Variants in DNAJC6 observed in about 807,000 individuals in gnomAD.
DNAJC6 encodes the protein auxilin.
In DNAJC6, 34 loss-of-function variants were observed where a neutral mutation model predicts 110.0. That is an observed-to-expected ratio of 0.31 (90% CI 0.24 to 0.41). DNAJC6 has a LOEUF of 0.41. Ranked by LOEUF, DNAJC6 falls within the 10% of genes least tolerant of loss-of-function variation. The pLI is 1.00. For synonymous variants in DNAJC6, 406 were observed against 437.2 expected (o/e 0.93, Z 0.89); for missense variants, 1,031 against 1,207.8 (o/e 0.85, Z 2.17).
At chr1:65,302,103 A>ATG (rs1557507869) in intron 1 of DNAJC6, among the ~76,000 whole-genome samples, 7 of 66,952 alleles carry the variant, frequency 1.0e-4, no homozygotes, top group Middle Eastern at 8.6e-3. Flanking sequence ...TATATATAAT[A>ATG]TATAATATAT....
At chr1:65,384,892 G>A (rs1319650863) in intron 6 of DNAJC6, among the ~76,000 whole-genome samples, 1 of 152,194 alleles carries the variant, frequency 6.6e-6, no homozygotes, top group Non-Finnish European at 1.5e-5. Flanking sequence ...AATTTATGAT[G>A]TTAAAACTAG....
At position 65,292,131 on chromosome 1, in the gene DNAJC6, C is replaced by T. The variant is rs913525407; in HGVS notation, c.-131+27199C>T. On this transcript the variant is annotated intron_variant, in intron 1 of 19. Coordinates refer to the DNAJC6 transcript ENST00000263441. ...TCCCAGGTTCAAGGAATTCTTCTGC[C>T]TCAGCCTCCCGAGTAGCTGGGATTA... Among the ~76,000 whole-genome samples, 30 of 152,120 alleles carry T rather than the reference C, an allele frequency of 2.0e-4. 1 individual carries two copies. The highest frequency in any genetic ancestry group is 4.4e-5 in the Non-Finnish European group (3 of 68,018).
chr1:65,340,041 T>C (rs1645374791), intron 1 of DNAJC6, among the ~76,000 whole-genome samples: 1 of 152,226 alleles, frequency 6.6e-6, no homozygotes, highest in Non-Finnish European at 1.5e-5. Flanking sequence ...CCAGAGTTCA[T>C]GGGACCTTGG....
chr1:65,392,722 G>A lies in DNAJC6; in HGVS notation c.1760G>A (p.Gly587Asp). 6.2e-7 allele frequency: 1 copy of A among 1,612,860 alleles called. No homozygotes were observed. Among genetic ancestry groups the A allele is most frequent in the Non-Finnish European group, 8.5e-7 (1 of 1,179,500 alleles). ...NSELLSDLFGGGGAAGPTQAG... is the reference protein window; with the variant it reads ...NSELLSDLFGDGGAAGPTQAG... Reference sequence around the variant, plus strand: ...GAACTACTGAGTGACCTGTTTGGGGGTGGAGGTGCAGCTGGTCCCACCCAG... The same window carrying A: ...GAACTACTGAGTGACCTGTTTGGGGATGGAGGTGCAGCTGGTCCCACCCAG... The change falls in exon 12 of 19, where the codon GGT (glycine) becomes GAT (aspartate). Residue 587 changes from glycine (G) to aspartate (D), a missense_variant. Transcript: ENST00000371069.
At chr1:65,381,421 C>T (rs114490404) in intron 5 of DNAJC6, among the ~76,000 whole-genome samples, 2,436 of 151,706 alleles carry the variant, frequency 0.016, 32 homozygotes, top group Non-Finnish European at 0.024. Flanking sequence ...TGGTGCTGTG[C>T]ACCTGTAATT....
At chr1:65,320,887 CAG>C (rs1645191868) in intron 1 of DNAJC6, among the ~76,000 whole-genome samples, 1 of 152,104 alleles carries the variant, frequency 6.6e-6, no homozygotes, top group Non-Finnish European at 1.5e-5. Context: ...CCTGAAGAAA[CAG>C]AAACAAGCAG....
At position 65,394,921 on chromosome 1, in the gene DNAJC6, G is replaced by A. The variant is rs761867962; in HGVS notation, c.1927G>A (p.Ala643Thr). 8.1e-6 allele frequency: 13 copies of A among 1,603,282 alleles called. No homozygotes were observed. In the African/African-American group the frequency reaches 1.1e-4, roughly 13 times the overall value. Residue 643 changes from alanine (A) to threonine (T), a missense_variant, in exon 13 of 19, where the codon GCA becomes ACA. Transcript: ENST00000371069. ...AGGTGCCACCTTTGACCCATTTGGAGCACCTTCTAAACCATCAGGTCAGGA... is the reference window on the plus strand; with the variant it reads ...AGGTGCCACCTTTGACCCATTTGGAACACCTTCTAAACCATCAGGTCAGGA... The part of the protein sequence containing the change: ...GEGATFDPFG[A>T]PSKPSGQDLL...
intron 1 of DNAJC6, among the ~76,000 whole-genome samples, chr1:65,362,457 A>G (rs985407649): frequency 7.9e-5 from 12 of 152,198 alleles, no homozygotes; most frequent in African/African-American, 2.9e-4. Flanking sequence ...GTCATCATAT[A>G]GTTGGAAAGT....
In DNAJC6 at chr1:65,392,478, G is replaced by C; in HGVS notation, c.1516G>C (p.Val506Leu). Residue 506 changes from valine (V) to leucine (L), a missense_variant, in exon 12 of 19, where the codon GTG becomes CTG. By Grantham distance (32) the Val-to-Leu change is conservative. Transcript: ENST00000371069. ...SFCEEDHAAL[V>L]NQESEQSDDE... Reference sequence around the variant, plus strand: ...CTGTGAGGAGGACCACGCTGCCCTAGTGAATCAGGAAAGTGAGCAATCAGA... The same window carrying C: ...CTGTGAGGAGGACCACGCTGCCCTACTGAATCAGGAAAGTGAGCAATCAGA... 1 of 1,613,336 alleles carries C rather than the reference G, an allele frequency of 6.2e-7. No individual in the cohort carries two copies. The highest frequency in any genetic ancestry group is 8.5e-7 in the Non-Finnish European group (1 of 1,179,616).
intron 11 of DNAJC6, among the ~76,000 whole-genome samples, chr1:65,391,203 T>C (rs1645922584): frequency 6.6e-6 from 1 of 152,208 alleles, no homozygotes; most frequent in African/African-American, 2.4e-5. Context: ...GTGAGATAAA[T>C]GAAGACTATA....
At chr1:65,303,354 T>G (rs1645007260) in intron 1 of DNAJC6, among the ~76,000 whole-genome samples, 1 of 152,214 alleles carries the variant, frequency 6.6e-6, no homozygotes, top group African/African-American at 2.4e-5. Flanking sequence ...TAATAACATT[T>G]GTTACATCGG....
At chr1:65,356,217 G>C (rs982316309) in intron 1 of DNAJC6, among the ~76,000 whole-genome samples, 5 of 152,002 alleles carry the variant, frequency 3.3e-5, no homozygotes, top group African/African-American at 4.8e-5. Flanking sequence ...TGGATTCCCA[G>C]CCATTTGTGG....
At chr1:65,303,548 C>T (rs1397213470) in intron 1 of DNAJC6, among the ~76,000 whole-genome samples, 1 of 139,104 alleles carries the variant, frequency 7.2e-6, no homozygotes, top group African/African-American at 2.8e-5. Flanking sequence ...CCATGCGCCT[C>T]ATTTGATTCT....
chr1:65,355,888 T>TC (rs1265412382), intron 1 of DNAJC6, among the ~76,000 whole-genome samples: 1 of 149,536 alleles, frequency 6.7e-6, no homozygotes, highest in Admixed American at 6.6e-5. Flanking sequence ...ATGGCTTTTT[T>TC]TTTTTTTTTT....
At chr1:65,271,418 C>T (rs572247383) in intron 1 of DNAJC6, among the ~76,000 whole-genome samples, 1 of 152,226 alleles carries the variant, frequency 6.6e-6, no homozygotes, top group African/African-American at 2.4e-5. Context: ...TGCCCATGCC[C>T]CCACCTCCCA....
intron 1 of DNAJC6, among the ~76,000 whole-genome samples, chr1:65,350,884 A>G (rs10789181): frequency 0.72 from 108,905 of 152,140 alleles, 40,133 homozygotes; most frequent in African/African-American, 0.9. Flanking sequence ...GTGCTGGTTT[A>G]GTTCTCAACC....
At chr1:65,282,716 A>G (rs1653892312) in intron 1 of DNAJC6, among the ~76,000 whole-genome samples, 1 of 152,170 alleles carries the variant, frequency 6.6e-6, no homozygotes, top group South Asian at 2.1e-4. Flanking sequence ...GTTCCTAAGG[A>G]AAGTATAAGG....
rs190494199 is a variant in DNAJC6 at position 65,277,050 on chromosome 1, A to G, written c.-131+12118A>G. Among the ~76,000 whole-genome samples the G allele has an allele frequency of 1.1e-4, 16 of 152,306 alleles. No homozygotes were observed. The East Asian group carries it at 1.7e-3, about 17-fold the overall frequency. On this transcript the variant is annotated intron_variant, in intron 1 of 19. Transcript: ENST00000263441. ...TCCTATTACTTCACACAGATGTTTA[A>G]AAATTTTATCTGGCTTTTCTAATTT...
intron 1 of DNAJC6, among the ~76,000 whole-genome samples, chr1:65,270,765 A>G (rs1653477990): frequency 1.3e-5 from 2 of 152,126 alleles, no homozygotes; most frequent in South Asian, 4.1e-4. Flanking sequence ...TGCAACGTCC[A>G]CCTTCCAGGT....
Sources: gnomAD v4.1 joint callset for allele counts (sites outside exome capture counted in the v4.1 genomes callset) on GRCh38, gnomAD v4.1.1 for gene constraint, MANE v1.5 for transcripts, NCBI Gene and HGNC (gene_info 2026-07-23, HGNC 2026-07-21) for gene names.